The following ADAMTSL1 variants were observed in gnomAD, a reference collection of about 807,000 sequenced individuals.
The protein encoded by ADAMTSL1 is ADAMTS-like protein 1.
In ADAMTSL1, 126 loss-of-function variants were observed where a neutral mutation model predicts 201.8. The observed-to-expected ratio is 0.62, with a 90% CI of 0.54 to 0.72. The LOEUF (loss-of-function observed/expected upper bound fraction) is 0.72, where lower values mean the gene tolerates loss of function less well. ADAMTSL1 is among the 30% of genes least tolerant of loss of function. The pLI, the probability that ADAMTSL1 is intolerant of heterozygous loss-of-function variation, is 0.00. For synonymous variants in ADAMTSL1, 1,121 were observed against 903.4 expected, an observed-to-expected ratio of 1.24 and a Z score of -4.32; for missense variants, 2,679 against 2,277.8, an observed-to-expected ratio of 1.18 and a Z score of -3.59.
In ADAMTSL1 at chr9:18,777,862, C is replaced by T. The variant is rs748848614; in HGVS notation, c.3633C>T (p.Thr1211=). The T allele has an allele frequency of 2.5e-6, 4 of 1,577,082 alleles. No individual in the cohort carries two copies. The highest frequency in any genetic ancestry group is 3.5e-5 in the Admixed American group (2 of 56,814). ...AGGCCATCGGCCACCCAAGGCCTAC[C>T]ATCAGCTGGGCCAGGAATGGAGAAG... ...HCEAIGHPRP[T]ISWARNGEEV... The change falls in exon 19 of 29, where the codon ACC becomes ACT. Residue 1211 remains threonine (T), a synonymous_variant. Transcript: ENST00000380548.
chr9:18,387,019 A>G (rs773385402), intron 2 of ADAMTSL1, among the ~76,000 whole-genome samples: 25 of 152,274 alleles, frequency 1.6e-4, no homozygotes, highest in Non-Finnish European at 3.1e-4. Context: ...GTAGAAGTAT[A>G]TTTATTGATG....
At chr9:18,291,716 TTCTCTCTCTCTCTCTCTCTC>T (rs766379106) in intron 2 of ADAMTSL1, among the ~76,000 whole-genome samples, 2 of 114,578 alleles carry the variant, frequency 1.7e-5, no homozygotes, top group African/African-American at 3.3e-5. Context: ...CTCTCTCTCT[TTCTCTCTCTCTCTCTCTCTC>T]TCTCTCTCTC....
At chr9:18,356,604 AACACACACAC>A (rs67090987) in intron 2 of ADAMTSL1, among the ~76,000 whole-genome samples, 14 of 143,552 alleles carry the variant, frequency 9.8e-5, no homozygotes, top group South Asian at 2.2e-4. Flanking sequence ...TACACAATAA[AACACACACAC>A]ACACACACAC....
chr9:18,781,159 G>A (rs983060808), intron 19 of ADAMTSL1, among the ~76,000 whole-genome samples: 9 of 152,030 alleles, frequency 5.9e-5, no homozygotes, highest in African/African-American at 2.2e-4. Context: ...CAGAGACGTG[G>A]CAGCCAGGTG....
chr9:18,220,597 T>A (rs564838587), intron 2 of ADAMTSL1, among the ~76,000 whole-genome samples: 2 of 152,124 alleles, frequency 1.3e-5, no homozygotes, highest in African/African-American at 4.8e-5. Flanking sequence ...AAACTTGTTG[T>A]GTAGTAGTTG....
chr9:18,001,498 G>C (rs2131531968), intron 1 of ADAMTSL1, among the ~76,000 whole-genome samples: 1 of 152,130 alleles, frequency 6.6e-6, no homozygotes, highest in Non-Finnish European at 1.5e-5. Flanking sequence ...GAAATAGAAA[G>C]CTACTGATCC....
chr9:18,697,975 A>G (rs755158580), intron 13 of ADAMTSL1, among the ~76,000 whole-genome samples: 2 of 152,232 alleles, frequency 1.3e-5, no homozygotes, highest in Non-Finnish European at 2.9e-5. Flanking sequence ...TGTGTAACTT[A>G]TGCTTCAGTT....
At chr9:18,011,901 C>T (rs1361466875) in intron 1 of ADAMTSL1, among the ~76,000 whole-genome samples, 2 of 151,948 alleles carry the variant, frequency 1.3e-5, no homozygotes, top group African/African-American at 2.4e-5. Flanking sequence ...GGGCAGCAAT[C>T]GAAGAGAGTT....
intron 3 of ADAMTSL1, among the ~76,000 whole-genome samples, chr9:18,563,519 C>T (rs888016545): frequency 9.2e-5 from 14 of 152,190 alleles, no homozygotes; most frequent in African/African-American, 3.4e-4. Context: ...GCAGCCTGTC[C>T]CTTAGTAGAG....
At chr9:18,036,933 T>C (rs1031295867) in intron 1 of ADAMTSL1, among the ~76,000 whole-genome samples, 3 of 152,200 alleles carry the variant, frequency 2.0e-5, no homozygotes, top group African/African-American at 7.2e-5. Context: ...TATTACATGG[T>C]ATTATTGGAT....
intron 1 of ADAMTSL1, among the ~76,000 whole-genome samples, chr9:18,077,198 A>T (rs1823272467): frequency 6.6e-6 from 1 of 152,180 alleles, no homozygotes; most frequent in Non-Finnish European, 1.5e-5. Context: ...AAAAGTCTGA[A>T]TTTCCCAGGA....
chr9:17,938,084 A>G (rs553541466), intron 1 of ADAMTSL1, among the ~76,000 whole-genome samples: 1 of 152,280 alleles, frequency 6.6e-6, no homozygotes, highest in African/African-American at 2.4e-5. Context: ...TATGCTTGGA[A>G]AAAAATGTTC....
chr9:18,572,138 T>C (rs1488320646), intron 3 of ADAMTSL1, among the ~76,000 whole-genome samples: 1 of 150,506 alleles, frequency 6.6e-6, no homozygotes, highest in African/African-American at 2.5e-5. Context: ...GAGGTTGCAG[T>C]GAGCCGAGAT....
rs1372850918 is a variant in ADAMTSL1 at position 17,940,271 on chromosome 9, A to G, written c.87+33349A>G. Reference sequence around the variant, plus strand: ...TACGTCATTGTAGAGGGTAGATTTGAGAAAAGACAACTGCAGAGATGATTT... The same window carrying G: ...TACGTCATTGTAGAGGGTAGATTTGGGAAAAGACAACTGCAGAGATGATTT... On this transcript the variant is annotated intron_variant, in intron 1 of 29. Transcript: ENST00000680146. 4.6e-5 allele frequency among the ~76,000 whole-genome samples: 7 copies of G among 152,236 alleles called. No individual in the cohort carries two copies. In the East Asian group the frequency reaches 1.4e-3, roughly 29 times the overall value.
intron 4 of ADAMTSL1, among the ~76,000 whole-genome samples, chr9:18,579,372 C>A (rs1316787064): frequency 6.9e-6 from 1 of 144,308 alleles, no homozygotes; most frequent in Non-Finnish European, 1.5e-5. Flanking sequence ...GGAGGGATAG[C>A]ATTGGGAGAT....
intron 1 of ADAMTSL1, among the ~76,000 whole-genome samples, chr9:18,021,453 T>A (rs1322081461): frequency 6.6e-6 from 1 of 152,150 alleles, no homozygotes; most frequent in African/African-American, 2.4e-5. Flanking sequence ...TATCTTTTCA[T>A]GTGAAAAATG....
chr9:17,915,629 A>G (rs986670228), intron 1 of ADAMTSL1, among the ~76,000 whole-genome samples: 2 of 152,220 alleles, frequency 1.3e-5, no homozygotes, highest in African/African-American at 4.8e-5. Context: ...TAACTTTTTA[A>G]GAAACTCAGT....
chr9:18,028,571 A>G (rs1398833263), intron 1 of ADAMTSL1, among the ~76,000 whole-genome samples: 5 of 152,078 alleles, frequency 3.3e-5, no homozygotes, highest in Admixed American at 2.0e-4. Context: ...AGATAGTTGT[A>G]TATATGCGGC....
chr9:18,831,821 A>T (rs942647329), intron 23 of ADAMTSL1, among the ~76,000 whole-genome samples: 1 of 152,156 alleles, frequency 6.6e-6, no homozygotes, highest in Non-Finnish European at 1.5e-5. Flanking sequence ...GAACTAGGAG[A>T]CTCACATGGA....
Sources: gnomAD v4.1 joint callset for allele counts (sites outside exome capture counted in the v4.1 genomes callset) on GRCh38, gnomAD v4.1.1 for gene constraint, MANE v1.5 for transcripts, NCBI Gene and HGNC (gene_info 2026-07-23, HGNC 2026-07-21) for gene names.